SLC6A2: variants seen among roughly 807,000 people sequenced by gnomAD.
The protein encoded by SLC6A2 is solute carrier family 6 member 2, also known as sodium-dependent noradrenaline transporter.
In SLC6A2, 26 loss-of-function variants were observed where a neutral mutation model predicts 71.7. The ratio of observed to expected loss-of-function variants is 0.36; its 90% CI spans 0.27 to 0.50. The LOEUF is 0.50. SLC6A2 is among the 20% of genes least tolerant of loss of function. The pLI is 0.96. For synonymous variants in SLC6A2, 363 were observed against 337.9 expected (o/e 1.07, Z -0.82); for missense variants, 581 against 803.9 (o/e 0.72, Z 3.35).
At position 55,705,211 on chromosome 16, in the gene SLC6A2, T is replaced by C. The variant is rs1414761755; in HGVS notation, c.*2865T>C. 3.9e-6 allele frequency: 6 copies of C among 1,534,198 alleles called. No homozygotes were observed. Among genetic ancestry groups the C allele is most frequent in the Non-Finnish European group, 5.2e-6 (6 of 1,144,936 alleles). Reference sequence around the variant, plus strand: ...TTAGCACCCACCTTTTAGCTTTCATTCTAGATGAAAACGAGACAAGGGAGA... The same window carrying C: ...TTAGCACCCACCTTTTAGCTTTCATCCTAGATGAAAACGAGACAAGGGAGA... On this transcript the variant is annotated 3_prime_UTR_variant, in exon 15 of 15. Coordinates refer to ENST00000568943, the MANE Select transcript of SLC6A2 (RefSeq NM_001172501.3).
At chr16:55,682,295 G>A (rs1276480824) in intron 4 of SLC6A2, among the ~76,000 whole-genome samples, 1 of 152,174 alleles carries the variant, frequency 6.6e-6, no homozygotes, top group Non-Finnish European at 1.5e-5. Context: ...TTCCGTATGG[G>A]AAAATGTGTG....
chr16:55,674,873 T>A (rs1324119859), intron 4 of SLC6A2, among the ~76,000 whole-genome samples: 1 of 152,240 alleles, frequency 6.6e-6, no homozygotes, highest in Non-Finnish European at 1.5e-5. Flanking sequence ...TGCCCAGTAG[T>A]GGGATTGCTG....
intron 5 of SLC6A2, among the ~76,000 whole-genome samples, chr16:55,687,505 A>G (rs1965490991): frequency 6.6e-6 from 1 of 152,198 alleles, no homozygotes; most frequent in Admixed American, 6.5e-5. Context: ...TCTTAGCAGA[A>G]GGAACTACAT....
At chr16:55,677,352 G>C (rs1359918178) in intron 4 of SLC6A2, among the ~76,000 whole-genome samples, 1 of 152,108 alleles carries the variant, frequency 6.6e-6, no homozygotes, top group African/African-American at 2.4e-5. Context: ...AAAGGAAAAA[G>C]CATGATTTTT....
At position 55,695,413 on chromosome 16, in the gene SLC6A2, A is replaced by C; in HGVS notation, c.1147+11A>C. On this transcript the variant is annotated intron_variant, in intron 8 of 14. Coordinates refer to ENST00000568943, the MANE Select transcript of SLC6A2 (RefSeq NM_001172501.3). The stretch of plus-strand genomic sequence containing the variant: ...ATGTGGCCACAGAAGGTGGGTGGGC[A>C]GCCCACCTGGGCCCCAGCCCACTGA... 6.2e-7 allele frequency: 1 copy of C among 1,613,960 alleles called. No individual in the cohort carries two copies. Among genetic ancestry groups the C allele is most frequent in the Admixed American group, 1.7e-5 (1 of 60,034 alleles).
At chr16:55,685,045 C>G (rs985340863) in intron 4 of SLC6A2, 98 bp from the exon 5 acceptor site, 9 of 1,211,552 alleles carry the variant, frequency 7.4e-6, no homozygotes, top group Non-Finnish European at 9.6e-6. Flanking sequence ...GGTCCTGTCT[C>G]CATCAGCATG....
intron 2 of SLC6A2, among the ~76,000 whole-genome samples, chr16:55,657,751 C>G (rs1596938029): frequency 6.6e-6 from 1 of 152,086 alleles, no homozygotes; most frequent in Non-Finnish European, 1.5e-5. Flanking sequence ...ACTCTCTCCC[C>G]CTTCTGCTGG....
chr16:55,702,987 T>C lies in SLC6A2; in HGVS notation c.*641T>C. On this transcript the variant is annotated 3_prime_UTR_variant, in exon 15 of 15. Transcript: ENST00000568943. ...ATTTTCACTCTGGCCAATCTGAGTTTGATGTGTGTGTTCTGGAACATTCCT... is the reference window on the plus strand; with the variant it reads ...ATTTTCACTCTGGCCAATCTGAGTTCGATGTGTGTGTTCTGGAACATTCCT... 1 of 988,076 alleles carries C rather than the reference T, an allele frequency of 1.0e-6. No homozygotes were observed. The highest frequency in any genetic ancestry group is 1.2e-6 in the Non-Finnish European group (1 of 831,656). 61.2% of individuals were successfully genotyped at this position (988,076 alleles called of 1,614,324 possible). A position where few individuals can be genotyped will look rare whatever the true frequency, so the allele number is the denominator to read the frequency against.
At chr16:55,683,975 G>A in intron 4 of SLC6A2, among the ~76,000 whole-genome samples, 1 of 152,136 alleles carries the variant, frequency 6.6e-6, no homozygotes, top group East Asian at 1.9e-4. Context: ...GTGTGCTAGA[G>A]CCATCCCTCT....
chr16:55,695,650 C>G (rs981894471), intron 8 of SLC6A2, among the ~76,000 whole-genome samples: 5 of 152,220 alleles, frequency 3.3e-5, no homozygotes, highest in East Asian at 1.9e-4. Context: ...GGACTGTCCT[C>G]TCTGTACCAG....
Position 55,695,291 on chromosome 16 carries a change from A to G in SLC6A2, c.1036A>G (p.Thr346Ala). The G allele has an allele frequency of 6.2e-7, 1 of 1,614,106 alleles. No homozygotes were observed. Among genetic ancestry groups the G allele is most frequent in the Non-Finnish European group, 8.5e-7 (1 of 1,179,998 alleles). ...TTCTTCCCCCAGGGATGCCCTGCTG[A>G]CCAGCAGCATCAACTGTATCACCAG... ...DNNCYRDALL[T>A]SSINCITSFV... The change falls in exon 8 of 15, where the codon ACC becomes GCC. Residue 346 changes from threonine (T) to alanine (A), a missense_variant. Coordinates refer to ENST00000568943, the MANE Select transcript of SLC6A2 (RefSeq NM_001172501.3).
intron 8 of SLC6A2, 102 bp downstream of exon 8, chr16:55,695,504 G>A (rs1046104205): frequency 1.7e-5 from 23 of 1,359,598 alleles, no homozygotes; most frequent in African/African-American, 1.3e-4. Flanking sequence ...AGGAATACTG[G>A]GTTGTCCATG....
chr16:55,676,206 C>G (rs1295153141), intron 4 of SLC6A2, among the ~76,000 whole-genome samples: 1 of 152,166 alleles, frequency 6.6e-6, no homozygotes, highest in African/African-American at 2.4e-5. Flanking sequence ...GCAGCCCTCC[C>G]AGAGGATCTG....
Position 55,698,035 on chromosome 16 carries a change from G to C in SLC6A2, c.1389+10G>C, listed in dbSNP as rs772687088. The C allele has an allele frequency of 6.2e-7, 1 of 1,614,034 alleles. No individual in the cohort carries two copies. The highest frequency in any genetic ancestry group is 1.1e-5 in the South Asian group (1 of 91,062). On this transcript the variant is annotated intron_variant, in intron 10 of 14. Transcript: ENST00000568943. Reference sequence around the variant, plus strand: ...GTTCTGCATAACCAAGGTGAGTAGGGGCTGGGCTCTGGGTCACCTGGGGGC... The same window carrying C: ...GTTCTGCATAACCAAGGTGAGTAGGCGCTGGGCTCTGGGTCACCTGGGGGC...
chr16:55,656,492 A>T lies in SLC6A2; in HGVS notation c.-51-152A>T. 1.6e-6 allele frequency: 1 copy of T among 644,938 alleles called. No homozygotes were observed. The allele number at this position is 644,938 out of a possible 1,614,324, so 40.0% of individuals were successfully genotyped here. A position where few individuals can be genotyped will look rare whatever the true frequency, so the allele number is the denominator to read the frequency against. On this transcript the variant is annotated intron_variant, in intron 1 of 14. Coordinates refer to ENST00000568943, the MANE Select transcript of SLC6A2 (RefSeq NM_001172501.3). This position sits in a 1 kb window ranked among gnomAD's most constrained non-coding sequence, Gnocchi z 4.5. ...GGCGTGCCCCAACCTCTGTTTCCAAATTTTTCCAGCGGACGCGCGCCCTTT... is the reference window on the plus strand; with the variant it reads ...GGCGTGCCCCAACCTCTGTTTCCAATTTTTTCCAGCGGACGCGCGCCCTTT...
chr16:55,669,297 T>C (rs1319836506), intron 2 of SLC6A2, among the ~76,000 whole-genome samples: 1 of 152,202 alleles, frequency 6.6e-6, no homozygotes, highest in Non-Finnish European at 1.5e-5. Flanking sequence ...TATCAAAGGC[T>C]AGGAGAAGCC....
intron 10 of SLC6A2, 21 bp downstream of exon 10, chr16:55,698,046 G>T (rs1341144217): frequency 6.2e-7 from 1 of 1,613,266 alleles, no homozygotes; most frequent in East Asian, 2.2e-5. Context: ...GCTGGGCTCT[G>T]GGTCACCTGG....
intron 4 of SLC6A2, among the ~76,000 whole-genome samples, chr16:55,674,971 A>G (rs1490294163): frequency 6.6e-6 from 1 of 152,190 alleles, no homozygotes; most frequent in Non-Finnish European, 1.5e-5. Context: ...TCCCACCAAC[A>G]GTGTATAAGC....
At chr16:55,695,534 T>C in intron 8 of SLC6A2, 132 bp downstream of exon 8, 1 of 980,014 alleles carries the variant, frequency 1.0e-6, no homozygotes, top group Non-Finnish European at 1.6e-6. Context: ...AAACCACCCA[T>C]GTGATTGACT....
Sources: allele counts gnomAD v4.1 joint callset (sites outside exome capture counted in the v4.1 genomes callset), GRCh38; gene constraint gnomAD v4.1.1; non-coding constraint Gnocchi (gnomAD v3.1); transcripts MANE v1.5; gene names NCBI Gene and HGNC (gene_info 2026-07-23, HGNC 2026-07-21).